CMIP: variants seen among roughly 807,000 people sequenced by gnomAD.
CMIP encodes C-Maf-inducing protein.
CMIP carries 13 observed loss-of-function variants against 97.3 expected under a neutral mutation model. That is an observed-to-expected ratio of 0.13 (90% CI 0.09 to 0.21). The LOEUF is 0.21. Among genes scored for constraint, CMIP ranks in the 10% least tolerant of loss-of-function variants. The probability of loss-of-function intolerance (pLI) is 1.00; values close to 1 mark genes in which losing one functional copy is unlikely to be tolerated. For missense variants in CMIP, 847 were observed against 1,024.9 expected (o/e 0.83, Z 2.37); for synonymous variants, 538 against 436.3 (o/e 1.23, Z -2.91).
At position 81,604,745 on chromosome 16, in the gene CMIP, C is replaced by G. The variant is rs562975075; in HGVS notation, c.301-2822C>G. Among the ~76,000 whole-genome samples the G allele has an allele frequency of 7.9e-5, 12 of 152,260 alleles. No homozygotes were observed. The South Asian group carries it at 2.5e-3, about 32-fold the overall frequency. ...ACAGTATGTATTTATTTATACCCAACCTTTCCCTAAAAAGCCTTGGTTGCA... is the reference window on the plus strand; with the variant it reads ...ACAGTATGTATTTATTTATACCCAAGCTTTCCCTAAAAAGCCTTGGTTGCA... On this transcript the variant is annotated intron_variant, in intron 1 of 20. Transcript: ENST00000537098.
intron 1 of CMIP, among the ~76,000 whole-genome samples, chr16:81,491,921 G>C (rs1262137956): frequency 6.6e-6 from 1 of 152,036 alleles, no homozygotes; most frequent in Non-Finnish European, 1.5e-5. Flanking sequence ...CCTAGTCTTC[G>C]CCGTGATGGA....
chr16:81,477,572 G>A (rs1165335626), intron 1 of CMIP, among the ~76,000 whole-genome samples: 4 of 152,204 alleles, frequency 2.6e-5, no homozygotes, highest in Non-Finnish European at 4.4e-5. Flanking sequence ...CTGGACTGTC[G>A]TCATCAGCAC....
intron 15 of CMIP, 81 bp from the exon 16 acceptor site, chr16:81,701,579 A>G: frequency 1.3e-6 from 2 of 1,596,624 alleles, no homozygotes; most frequent in Non-Finnish European, 1.7e-6. Flanking sequence ...GGTTTTCAAA[A>G]CAAGGCCCTT....
chr16:81,579,820 G>T (rs1232925432), intron 1 of CMIP, among the ~76,000 whole-genome samples: 2 of 152,238 alleles, frequency 1.3e-5, no homozygotes, highest in African/African-American at 4.8e-5. Context: ...GCTGGGCGTG[G>T]TGGCGGACGC....
chr16:81,449,527 A>G (rs887131946), intron 1 of CMIP, among the ~76,000 whole-genome samples: 1 of 152,226 alleles, frequency 6.6e-6, no homozygotes, highest in Non-Finnish European at 1.5e-5. Context: ...GGGTAGTCAC[A>G]GATCCCACGA....
At chr16:81,524,709 C>G (rs1026015496) in intron 1 of CMIP, among the ~76,000 whole-genome samples, 3 of 152,228 alleles carry the variant, frequency 2.0e-5, no homozygotes, top group Non-Finnish European at 4.4e-5. Flanking sequence ...AGCGACTCAG[C>G]TGTCAGTCAC....
At chr16:81,682,060 G>T (rs995149131) in intron 10 of CMIP, among the ~76,000 whole-genome samples, 1 of 151,940 alleles carries the variant, frequency 6.6e-6, no homozygotes, top group Non-Finnish European at 1.5e-5. Flanking sequence ...AATATTAGCC[G>T]GGTGTGGTGG....
At chr16:81,482,698 A>G (rs965053370) in intron 1 of CMIP, among the ~76,000 whole-genome samples, 11 of 152,208 alleles carry the variant, frequency 7.2e-5, no homozygotes, top group Non-Finnish European at 1.3e-4. Context: ...TTTGGGCAGG[A>G]AATGCAGGCT....
At chr16:81,651,901 C>CA (rs1005932249) in intron 3 of CMIP, among the ~76,000 whole-genome samples, 10 of 151,732 alleles carry the variant, frequency 6.6e-5, no homozygotes, top group Admixed American at 2.0e-4. Context: ...TTAGCAAAAA[C>CA]AAAAACAAAA....
rs553707658 is a variant in CMIP, at chr16:81,653,226, C to G, written c.639+862C>G. On this transcript the variant is annotated intron_variant, in intron 4 of 20. Transcript: ENST00000537098. ...GCCACCAGACTGATGCTTCTGTCCC[C>G]CTCCCCTGACAGTGATACCCCCGGT... Among the ~76,000 whole-genome samples, 14 of 152,300 alleles carry G rather than the reference C, an allele frequency of 9.2e-5. No individual in the cohort carries two copies. The South Asian group carries it at 2.9e-3, about 32-fold the overall frequency.
chr16:81,548,795 A>G (rs1394760512), intron 1 of CMIP, among the ~76,000 whole-genome samples: 3 of 152,196 alleles, frequency 2.0e-5, no homozygotes, highest in Non-Finnish European at 4.4e-5. Context: ...GCAGTGAGCT[A>G]CGATCATGCT....
At chr16:81,683,831 A>C (rs1273883373) in intron 10 of CMIP, among the ~76,000 whole-genome samples, 4 of 119,684 alleles carry the variant, frequency 3.3e-5, no homozygotes, top group African/African-American at 1.3e-4. Flanking sequence ...ACGCGATCTC[A>C]GCTCACTGCA....
intron 10 of CMIP, among the ~76,000 whole-genome samples, chr16:81,683,680 G>A (rs1431178116): frequency 6.7e-6 from 1 of 149,850 alleles, no homozygotes; most frequent in East Asian, 2.0e-4. Context: ...ACTGTGCCCA[G>A]CCTGTTTTGT....
chr16:81,559,428 A>G (rs1366553836), intron 1 of CMIP, among the ~76,000 whole-genome samples: 1 of 152,270 alleles, frequency 6.6e-6, no homozygotes, highest in African/African-American at 2.4e-5. Flanking sequence ...CGACCACAGT[A>G]GTTAAAATCT....
chr16:81,664,146 G>A (rs2151024919), intron 6 of CMIP, 123 bp from the exon 7 acceptor site: 8 of 777,746 alleles, frequency 1.0e-5, no homozygotes, highest in Admixed American at 5.7e-5. Context: ...CAGTGCAGCC[G>A]TGTTCATCAA....
intron 8 of CMIP, among the ~76,000 whole-genome samples, chr16:81,670,927 C>G (rs906872822): frequency 2.0e-5 from 3 of 152,166 alleles, no homozygotes; most frequent in African/African-American, 7.2e-5. Context: ...CTCCCGGGTT[C>G]AAGCAATTCT....
At chr16:81,501,288 C>T (rs751228154) in intron 1 of CMIP, among the ~76,000 whole-genome samples, 8 of 152,250 alleles carry the variant, frequency 5.3e-5, no homozygotes, top group Non-Finnish European at 1.0e-4. Context: ...GGTTGTGACG[C>T]ACGGGCAGCA....
chr16:81,607,311 C>T (rs1300267993), intron 1 of CMIP, among the ~76,000 whole-genome samples: 2 of 152,244 alleles, frequency 1.3e-5, no homozygotes, highest in African/African-American at 4.8e-5. Flanking sequence ...TTCTTGCCCT[C>T]CAGCTGCTCC....
intron 1 of CMIP, among the ~76,000 whole-genome samples, chr16:81,551,732 G>T (rs1443036245): frequency 2.6e-5 from 4 of 152,174 alleles, no homozygotes; most frequent in Non-Finnish European, 4.4e-5. Flanking sequence ...AGGGCCCTGG[G>T]GACATCATAG....
Sources: gnomAD v4.1 joint callset for allele counts (sites outside exome capture counted in the v4.1 genomes callset) on GRCh38, gnomAD v4.1.1 for gene constraint, MANE v1.5 for transcripts, NCBI Gene and HGNC (gene_info 2026-07-23, HGNC 2026-07-21) for gene names.